SHISA9: variants seen among roughly 807,000 people sequenced by gnomAD.
SHISA9 encodes the protein protein shisa-9.
In SHISA9, 13 loss-of-function variants were observed where a neutral mutation model predicts 38.0. The ratio of observed to expected loss-of-function variants is 0.34; its 90% CI spans 0.22 to 0.54. The LOEUF is 0.54. SHISA9 is among the 20% of genes least tolerant of loss of function. SHISA9 has a pLI of 0.91. For synonymous variants in SHISA9, 275 were observed against 242.0 expected (o/e 1.14, Z -1.27); for missense variants, 538 against 575.8 (o/e 0.93, Z 0.67).
chr16:13,147,461 CTTTTTTTTTTTTT>C (rs55972023), intron 2 of SHISA9, among the ~76,000 whole-genome samples: 1 of 65,084 alleles, frequency 1.5e-5, no homozygotes. Context: ...GTAAACTGAG[CTTTTTTTTTTTTT>C]TTTTTTTTTT....
intron 2 of SHISA9, among the ~76,000 whole-genome samples, chr16:13,033,353 A>G (rs920888096): frequency 6.6e-6 from 1 of 152,204 alleles, no homozygotes; most frequent in Non-Finnish European, 1.5e-5. Flanking sequence ...TGGACAGGCA[A>G]AACCAACACA....
rs530458570 is a variant in SHISA9, at chr16:13,134,119, C to G, written c.692-69275C>G. On this transcript the variant is annotated intron_variant, in intron 2 of 4. Transcript: ENST00000558583. Reference sequence around the variant, plus strand: ...TGGTCATACACGGATTGCTGCACAACAGCACAGTGGTTAAGAAGTGGGTAG... The same window carrying G: ...TGGTCATACACGGATTGCTGCACAAGAGCACAGTGGTTAAGAAGTGGGTAG... Among the ~76,000 whole-genome samples the G allele has an allele frequency of 3.3e-5, 5 of 152,282 alleles. No individual in the cohort carries two copies. The East Asian group carries it at 9.6e-4, about 29-fold the overall frequency.
chr16:12,920,603 A>T (rs1361059045), intron 2 of SHISA9, among the ~76,000 whole-genome samples: 2 of 152,162 alleles, frequency 1.3e-5, no homozygotes, highest in African/African-American at 4.8e-5. Flanking sequence ...GAAACATCTC[A>T]TGTACCCTAC....
chr16:12,937,374 T>G (rs2071548292), intron 2 of SHISA9, among the ~76,000 whole-genome samples: 1 of 152,256 alleles, frequency 6.6e-6, no homozygotes, highest in Non-Finnish European at 1.5e-5. Context: ...TCAACCACTG[T>G]AATAAGTTTA....
chr16:13,221,878 G>C (rs546601328), intron 4 of SHISA9, among the ~76,000 whole-genome samples: 1 of 152,104 alleles, frequency 6.6e-6, no homozygotes, highest in Non-Finnish European at 1.5e-5. Context: ...GCCTGTTTTG[G>C]ATATAGCTGT....
At chr16:13,263,580 A>G in the SHISA9 span, among the ~76,000 whole-genome samples, 2,228 of 152,268 alleles carry the variant, frequency 0.015, 52 homozygotes, top group African/African-American at 0.052. Context: ...GACCAACACT[A>G]TGCTTCCTGT....
intron 2 of SHISA9, among the ~76,000 whole-genome samples, chr16:13,172,561 C>CTT (rs1449504535): frequency 6.6e-6 from 1 of 152,130 alleles, no homozygotes; most frequent in South Asian, 2.1e-4. Context: ...TCCTCAGTTT[C>CTT]TTTTTTGTGT....
rs563289491 is a variant in SHISA9, at chr16:13,184,800, G to T, written c.692-18594G>T. 3.9e-5 allele frequency among the ~76,000 whole-genome samples: 6 copies of T among 152,258 alleles called. No homozygotes were observed. In the South Asian group the frequency reaches 1.2e-3, roughly 32 times the overall value. Reference sequence around the variant, plus strand: ...CATTTTTAATTCCTGAGTGTAATTTGTTTGTATGGATGTACCACAGTGTGT... The same window carrying T: ...CATTTTTAATTCCTGAGTGTAATTTTTTTGTATGGATGTACCACAGTGTGT... On this transcript the variant is annotated intron_variant, in intron 2 of 4. Coordinates refer to ENST00000558583, the MANE Select transcript of SHISA9 (RefSeq NM_001145204.3).
At chr16:13,067,480 T>C (rs568263077) in intron 2 of SHISA9, among the ~76,000 whole-genome samples, 37 of 152,372 alleles carry the variant, frequency 2.4e-4, no homozygotes, top group African/African-American at 8.2e-4. Flanking sequence ...TCTCCCCTGC[T>C]GGACTTGCTT....
the SHISA9 span, among the ~76,000 whole-genome samples, chr16:13,407,095 AAAG>A: frequency 3.3e-5 from 5 of 151,042 alleles, no homozygotes; most frequent in African/African-American, 9.7e-5. Flanking sequence ...AAAAAAAAAA[AAAG>A]ACCATGACTT....
intron 2 of SHISA9, among the ~76,000 whole-genome samples, chr16:12,964,042 A>G (rs533800322): frequency 2.6e-5 from 4 of 152,342 alleles, no homozygotes; most frequent in Non-Finnish European, 4.4e-5. Flanking sequence ...TTACAGACTA[A>G]TAACACTGAC....
chr16:13,397,415 G>GGTTTGTTTGTTT, the SHISA9 span, among the ~76,000 whole-genome samples: 193 of 151,856 alleles, frequency 1.3e-3, 1 homozygote, highest in African/African-American at 4.4e-3. Context: ...CAGTGTTTTT[G>GGTTTGTTTGTTT]GTTTGTTTGT....
At position 12,901,930 on chromosome 16, in the gene SHISA9, G is replaced by C; in HGVS notation, c.-135G>C. ...GGCCGCCGACCACCGAGCGCCCCGCGCCGCTCCCTGCATGTGCGGCCCGCG... is the reference window on the plus strand; with the variant it reads ...GGCCGCCGACCACCGAGCGCCCCGCCCCGCTCCCTGCATGTGCGGCCCGCG... On this transcript the variant is annotated 5_prime_UTR_variant, in exon 1 of 5. Transcript: ENST00000558583. The C allele has an allele frequency of 1.8e-6, 1 of 569,204 alleles. No homozygotes were observed. 35.3% of individuals were successfully genotyped at this position (569,204 alleles called of 1,614,324 possible).
the SHISA9 span, among the ~76,000 whole-genome samples, chr16:13,440,353 G>C: frequency 6.6e-6 from 1 of 152,220 alleles, no homozygotes; most frequent in Admixed American, 6.5e-5. Flanking sequence ...CTTTAGGGAA[G>C]AGTTGTCAGT....
intron 2 of SHISA9, among the ~76,000 whole-genome samples, chr16:13,019,919 CTTT>C (rs1239379485): frequency 3.4e-4 from 28 of 82,358 alleles, no homozygotes; most frequent in Non-Finnish European, 6.2e-4. Flanking sequence ...TTCTTTCTTT[CTTT>C]CTTTCTTTCT....
chr16:12,936,926 G>T (rs1047616061), intron 2 of SHISA9, among the ~76,000 whole-genome samples: 1 of 152,116 alleles, frequency 6.6e-6, no homozygotes, highest in Non-Finnish European at 1.5e-5. Flanking sequence ...GCACGGGTTG[G>T]CTAGAGGGCG....
At chr16:13,337,001 C>T in the SHISA9 span, among the ~76,000 whole-genome samples, 1 of 152,326 alleles carries the variant, frequency 6.6e-6, no homozygotes, top group East Asian at 1.9e-4. Context: ...ATATTCTCTT[C>T]TGAAACAAAA....
intron 2 of SHISA9, among the ~76,000 whole-genome samples, chr16:13,085,590 G>T (rs566805415): frequency 6.6e-6 from 1 of 152,290 alleles, no homozygotes; most frequent in African/African-American, 2.4e-5. Context: ...AGGGTTCAAG[G>T]CTGATAAAAG....
the SHISA9 span, among the ~76,000 whole-genome samples, chr16:13,273,285 C>G: frequency 1.0e-3 from 159 of 152,314 alleles, no homozygotes; most frequent in African/African-American, 3.7e-3. Flanking sequence ...AGATCTGTGA[C>G]TGTGGACAAG....
Sources: gnomAD v4.1 joint callset for allele counts (sites outside exome capture counted in the v4.1 genomes callset) on GRCh38, gnomAD v4.1.1 for gene constraint, MANE v1.5 for transcripts, NCBI Gene and HGNC (gene_info 2026-07-23, HGNC 2026-07-21) for gene names.